The following STK36 variants were observed in gnomAD, a reference collection of about 807,000 sequenced individuals.
The protein encoded by STK36 is serine/threonine kinase 36, also known as serine/threonine-protein kinase 36.
STK36 carries 116 observed loss-of-function variants against 142.2 expected under a neutral mutation model. That is an observed-to-expected ratio of 0.82 (90% CI 0.70 to 0.95). The LOEUF is 0.95. Among genes scored for constraint, STK36 ranks in the 40% least tolerant of loss-of-function variants. STK36 has a pLI of 0.00. For missense variants in STK36, 1,422 were observed against 1,617.2 expected, an observed-to-expected ratio of 0.88 and a Z score of 2.07; for synonymous variants, 619 against 641.7, an observed-to-expected ratio of 0.96 and a Z score of 0.53.
Position 218,680,648 on chromosome 2 carries a change from G to A in STK36, c.1182G>A (p.Glu394=). Residue 394 remains glutamate, a synonymous_variant, in exon 10 of 27, where the codon GAG becomes GAA. Transcript: ENST00000295709. ...ATTGTGAACGAGCATTCCCAGAGGAGAGGCCAGAGGTGCTGGGCCAGCGGA... is the reference window on the plus strand; with the variant it reads ...ATTGTGAACGAGCATTCCCAGAGGAAAGGCCAGAGGTGCTGGGCCAGCGGA... ...TPDCERAFPE[E]RPEVLGQRST... is the part of the protein sequence containing the mutation. The A allele has an allele frequency of 6.2e-7, 1 of 1,613,724 alleles. No individual in the cohort carries two copies. The highest frequency in any genetic ancestry group is 8.5e-7 in the Non-Finnish European group (1 of 1,179,922).
At chr2:218,698,532 G>C in intron 25 of STK36, 70 bp from the exon 26 acceptor site, 1 of 1,535,286 alleles carries the variant, frequency 6.5e-7, no homozygotes, top group Non-Finnish European at 8.7e-7. Context: ...CTCTCTCCCA[G>C]GTTTTGGGCT....
intron 22 of STK36, 118 bp downstream of exon 22, chr2:218,696,719 G>T: frequency 8.9e-7 from 1 of 1,122,826 alleles, no homozygotes. Context: ...AAGCTACTGT[G>T]CCTGTGATAG....
chr2:218,699,446 G>A, intron 26 of STK36, 98 bp downstream of exon 26: 1 of 1,500,452 alleles, frequency 6.7e-7, no homozygotes, highest in South Asian at 1.3e-5. Context: ...TCGGGACATG[G>A]AGAAACTTAT....
In STK36 at chr2:218,693,729, T is replaced by C. The variant is rs1465082365; in HGVS notation, c.2155T>C (p.Tyr719His). Residue 719 changes from tyrosine to histidine, a missense_variant, in exon 18 of 27, where the codon TAC (tyrosine) becomes CAC (histidine). Tyr to His is a moderately conservative substitution (Grantham distance 83, BLOSUM62 2). Transcript: ENST00000295709. ...ILCLHLLKVL[Y>H]SCCLVSEGLC... is the part of the protein sequence containing the mutation. ...CTCCTTCCTTCTCCCTCAGGTTCTATACTCCTGCTGCCTTGTCAGTGAGGG... is the reference window on the plus strand; with the variant it reads ...CTCCTTCCTTCTCCCTCAGGTTCTACACTCCTGCTGCCTTGTCAGTGAGGG... The C allele has an allele frequency of 1.2e-6, 2 of 1,613,952 alleles. No homozygotes were observed. The highest frequency in any genetic ancestry group is 1.3e-5 in the African/African-American group (1 of 74,938).
In STK36 at chr2:218,699,091, G is replaced by A; in HGVS notation, c.3547G>A (p.Ala1183Thr). Residue 1183 changes from alanine to threonine, a missense_variant, in exon 26 of 27, where the codon GCT (alanine) becomes ACT (threonine). Ala to Thr is a moderately conservative substitution (Grantham distance 58). Coordinates refer to ENST00000295709, the MANE Select transcript of STK36 (RefSeq NM_015690.5). Reference protein sequence around the residue: ...SFAVGNAAYQAGPLGPALAAA... With the variant: ...SFAVGNAAYQTGPLGPALAAA... ...TGCTGTGGGCAATGCAGCCTACCAG[G>A]CTGGTCCTCTGGGACCTGCCCTGGC... The A allele has an allele frequency of 6.2e-7, 1 of 1,614,032 alleles. No homozygotes were observed. The highest frequency in any genetic ancestry group is 1.1e-5 in the South Asian group (1 of 91,082).
intron 11 of STK36, among the ~76,000 whole-genome samples, chr2:218,686,751 T>C (rs1940796489): frequency 6.6e-6 from 1 of 152,242 alleles, no homozygotes; most frequent in Admixed American, 6.5e-5. Context: ...TATGTATGGA[T>C]AAATGTTTTT....
chr2:218,682,430 A>G (rs1326382848), intron 10 of STK36, among the ~76,000 whole-genome samples: 1 of 152,198 alleles, frequency 6.6e-6, no homozygotes, highest in Non-Finnish European at 1.5e-5. Context: ...ACACAGTACA[A>G]TTATGAAAGT....
intron 14 of STK36, 152 bp from the exon 15 acceptor site, chr2:218,691,991 A>T: frequency 1.2e-6 from 1 of 869,548 alleles, no homozygotes. Context: ...AAGCAGTTCT[A>T]ATGCATTTTT....
At position 218,688,863 on chromosome 2, in the gene STK36, A is replaced by G. The variant is rs779013997; in HGVS notation, c.1547A>G (p.Asn516Ser). 3 of 1,610,108 alleles carry G rather than the reference A, an allele frequency of 1.9e-6. No individual in the cohort carries two copies. The East Asian group carries it at 6.7e-5, about 36-fold the overall frequency. The change falls in exon 12 of 27, where the codon AAC (asparagine) becomes AGC (serine). Residue 516 changes from asparagine (N) to serine (S), a missense_variant. Around this residue, in one of 2 missense-constraint regions of STK36, gnomAD observed 962 missense variants for 1,167.5 expected, o/e 0.82. Transcript: ENST00000295709. ...CTACTCAGGCACAGTCAGGAGAGCA[A>G]CAGCCTCCAGCAGGTAAGCACCAGG... ...LSLLRHSQES[N>S]SLQQQSWYGT...
At chr2:218,682,270 T>C (rs762597449) in intron 10 of STK36, among the ~76,000 whole-genome samples, 1 of 152,184 alleles carries the variant, frequency 6.6e-6, no homozygotes, top group Non-Finnish European at 1.5e-5. Context: ...GTAAAACTTT[T>C]GTCTCATTTG....
rs1170077795 is a variant in STK36 at position 218,694,745 on chromosome 2, T to A, written c.2511+110T>A. On this transcript the variant is annotated intron_variant, in intron 21 of 26. Coordinates refer to ENST00000295709, the MANE Select transcript of STK36 (RefSeq NM_015690.5). This position sits in a 1 kb window ranked among gnomAD's most constrained non-coding sequence, Gnocchi z 4.4. ...AGCAAGCCTGGAGTAAACTGAGGAA[T>A]GGAAAAGGAATCAAGGAGCCCTTCC... 1 of 914,664 alleles carries A rather than the reference T, an allele frequency of 1.1e-6. No homozygotes were observed. Among genetic ancestry groups the A allele is most frequent in the Non-Finnish European group, 1.7e-6 (1 of 588,692 alleles). The allele number at this position is 914,664 out of a possible 1,614,324, so 56.7% of individuals were successfully genotyped here.
chr2:218,677,010 C>T (rs866359596), intron 6 of STK36, among the ~76,000 whole-genome samples: 17 of 151,478 alleles, frequency 1.1e-4, no homozygotes, highest in Non-Finnish European at 1.9e-4. Flanking sequence ...CTCGGCTGAC[C>T]GCAACCTCTG....
chr2:218,683,684 A>G (rs1940639194), intron 10 of STK36, among the ~76,000 whole-genome samples: 1 of 152,190 alleles, frequency 6.6e-6, no homozygotes, highest in Admixed American at 6.5e-5. Flanking sequence ...CGCAGCACCC[A>G]CTAACTCGTC....
chr2:218,697,887 GCTCT>G lies in STK36; in HGVS notation c.2946_2949del (p.Val984AlafsTer18). 1.2e-6 allele frequency: 2 copies of G among 1,614,178 alleles called. No homozygotes were observed. Among genetic ancestry groups the G allele is most frequent in the South Asian group, 1.1e-5 (1 of 91,084 alleles). ...GGTCTGAGTTTCTCCCTGTCGTGGTGCTCTCTGTCTGCCAGCTCCTTTGCTTCCC... is the reference window on the plus strand; with the variant it reads ...GGTCTGAGTTTCTCCCTGTCGTGGTGCTGTCTGCCAGCTCCTTTGCTTCCC... On this transcript the variant is annotated frameshift_variant, in exon 25 of 27. Transcript: ENST00000295709. LOFTEE classifies it high-confidence loss of function.
chr2:218,701,574 A>G (rs1941444042), intron 26 of STK36, among the ~76,000 whole-genome samples: 1 of 152,228 alleles, frequency 6.6e-6, no homozygotes, highest in Non-Finnish European at 1.5e-5. Context: ...ACTGTGAGTT[A>G]CTGCTGCATT....
At chr2:218,697,337 G>A in intron 23 of STK36, 124 bp downstream of exon 23, 1 of 1,511,344 alleles carries the variant, frequency 6.6e-7, no homozygotes, top group Admixed American at 2.2e-5. Context: ...AGGAAGCAGT[G>A]TCTGCACTAG....
At position 218,688,789 on chromosome 2, in the gene STK36, C is replaced by T. The variant is rs1215843549; in HGVS notation, c.1473C>T (p.Ala491=). 3.1e-6 allele frequency: 5 copies of T among 1,614,144 alleles called. No homozygotes were observed. The highest frequency in any genetic ancestry group is 1.7e-4 in the Middle Eastern group (1 of 6,014). ...SLLSSCSDSV[A]LYSFCREAGL... is the part of the protein sequence containing the mutation. ...TCTCCAGCTGCAGTGATTCTGTTGC[C>T]TTGTATTCCTTCTGCCGGGAGGCAG... Residue 491 remains alanine, a synonymous_variant, in exon 12 of 27, where the codon GCC becomes GCT. Coordinates refer to ENST00000295709, the MANE Select transcript of STK36 (RefSeq NM_015690.5).
intron 13 of STK36, among the ~76,000 whole-genome samples, 193 bp downstream of exon 13, chr2:218,690,149 T>A (rs923601769): frequency 7.9e-5 from 12 of 152,036 alleles, no homozygotes. Context: ...AGACTTACAG[T>A]TTCTAAGAGT....
chr2:218,701,156 G>A (rs577902088), intron 26 of STK36, among the ~76,000 whole-genome samples: 3 of 143,748 alleles, frequency 2.1e-5, no homozygotes, highest in Non-Finnish European at 3.0e-5. Flanking sequence ...TTTTTGAGAC[G>A]GAGTCTCACT....
Sources: allele counts gnomAD v4.1 joint callset (sites outside exome capture counted in the v4.1 genomes callset), GRCh38; gene constraint gnomAD v4.1.1; regional missense constraint gnomAD v4.1.1; non-coding constraint Gnocchi (gnomAD v3.1); transcripts MANE v1.5; gene names NCBI Gene and HGNC (gene_info 2026-07-23, HGNC 2026-07-21).